PCDHGA6: variants seen among roughly 807,000 people sequenced by gnomAD.
The protein encoded by PCDHGA6 is protocadherin gamma subfamily A, 6.
In PCDHGA6, 41 loss-of-function variants were observed where a neutral mutation model predicts 60.6. The observed-to-expected ratio is 0.68, with a 90% CI of 0.53 to 0.88. The LOEUF is 0.88. PCDHGA6 is among the 40% of genes least tolerant of loss of function. The probability of loss-of-function intolerance (pLI) is 0.00; values close to 1 mark genes in which losing one functional copy is unlikely to be tolerated. For missense variants in PCDHGA6, 1,312 were observed against 1,203.0 expected, an observed-to-expected ratio of 1.09 and a Z score of -1.34; for synonymous variants, 594 against 524.4, an observed-to-expected ratio of 1.13 and a Z score of -1.81.
chr5:141,495,878 T>C (rs2099764378), intron 2 of PCDHGA6, among the ~76,000 whole-genome samples: 1 of 152,184 alleles, frequency 6.6e-6, no homozygotes, highest in African/African-American at 2.4e-5. Context: ...TTCCTCTCTG[T>C]TCTTTGTCTC....
chr5:141,511,411 A>T lies in PCDHGA6; in HGVS notation c.*238A>T. On this transcript the variant is annotated 3_prime_UTR_variant, in exon 4 of 4. Transcript: ENST00000517434. ...GAACCCCCATCCAATCAACTGCTGTACCCATGGGGGTAGTGGGGTTACTGT... is the reference window on the plus strand; with the variant it reads ...GAACCCCCATCCAATCAACTGCTGTTCCCATGGGGGTAGTGGGGTTACTGT... 1.1e-6 allele frequency: 1 copy of T among 901,334 alleles called. No individual in the cohort carries two copies. Among genetic ancestry groups the T allele is most frequent in the Non-Finnish European group, 1.6e-6 (1 of 617,750 alleles). 55.8% of individuals were successfully genotyped at this position (901,334 alleles called of 1,614,324 possible).
Position 141,489,087 on chromosome 5 carries a change from T to TCAAA in PCDHGA6, c.2425-5720_2425-5719insCAAA. 4.6e-6 allele frequency: 1 copy of TCAAA among 216,106 alleles called. No individual in the cohort carries two copies. The highest frequency in any genetic ancestry group is 8.4e-6 in the Non-Finnish European group (1 of 118,736). The allele number at this position is 216,106 out of a possible 1,614,324, so 13.4% of individuals were successfully genotyped here. On this transcript the variant is annotated intron_variant, in intron 1 of 3. Coordinates refer to ENST00000517434, the MANE Select transcript of PCDHGA6 (RefSeq NM_018919.3). This position sits in a 1 kb window ranked among gnomAD's most constrained non-coding sequence, Gnocchi z 4.5. The stretch of plus-strand genomic sequence containing the variant: ...CCCCCTGCCCACCCCCGCCACTCGG[T>TCAAA]GACTAAGAACTGCTGCAAGCAGGCA...
At chr5:141,389,572 C>T in intron 1 of PCDHGA6, 3 of 1,613,282 alleles carry the variant, frequency 1.9e-6, no homozygotes, top group Non-Finnish European at 2.5e-6. Flanking sequence ...GTGCTGTACC[C>T]CGCGCTGGGT....
In PCDHGA6 at chr5:141,486,981, A is replaced by G. The variant is rs1457098151; in HGVS notation, c.2425-7826A>G. Reference sequence around the variant, plus strand: ...GCTGTGGACTTGGATTCAGGTTACAATGCTTGGGTTTCCTATCAGCTCCTG... The same window carrying G: ...GCTGTGGACTTGGATTCAGGTTACAGTGCTTGGGTTTCCTATCAGCTCCTG... On this transcript the variant is annotated intron_variant, in intron 1 of 3. Coordinates refer to ENST00000517434, the MANE Select transcript of PCDHGA6 (RefSeq NM_018919.3). The surrounding 1 kb of genome is among the most constrained non-coding windows in gnomAD (Gnocchi z 5.0). 17 of 1,614,038 alleles carry G rather than the reference A, an allele frequency of 1.1e-5. No individual in the cohort carries two copies. The highest frequency in any genetic ancestry group is 4.0e-5 in the African/African-American group (3 of 74,922).
At position 141,476,051 on chromosome 5, in the gene PCDHGA6, GA is replaced by G; in HGVS notation, c.2425-18753del. On this transcript the variant is annotated intron_variant, in intron 1 of 3. Transcript: ENST00000517434. This position sits in a 1 kb window ranked among gnomAD's most constrained non-coding sequence, Gnocchi z 7.6. ...CCCAGCGCCCAAGCGCTAACCCGCT[GA>G]AAGTTTCTCAGCGAAATCTCAGGGA... 1.3e-6 allele frequency: 2 copies of G among 1,504,270 alleles called. No individual in the cohort carries two copies. The highest frequency in any genetic ancestry group is 1.8e-6 in the Non-Finnish European group (2 of 1,133,694). The allele number at this position is 1,504,270 out of a possible 1,614,324, so 93.2% of individuals were successfully genotyped here.
intron 1 of PCDHGA6, chr5:141,382,939 T>G: frequency 6.3e-7 from 1 of 1,594,910 alleles, no homozygotes; most frequent in Non-Finnish European, 8.6e-7. Context: ...CAGAGGATTC[T>G]TCCTGCTCTC....
At chr5:141,382,133 T>C (rs1420684997) in intron 1 of PCDHGA6, among the ~76,000 whole-genome samples, 3 of 152,068 alleles carry the variant, frequency 2.0e-5, no homozygotes, top group Admixed American at 6.6e-5. Context: ...TGGCCCCCCC[T>C]CTCATTTTTT....
At chr5:141,504,502 G>A (rs2099838821) in intron 2 of PCDHGA6, among the ~76,000 whole-genome samples, 1 of 152,128 alleles carries the variant, frequency 6.6e-6, no homozygotes, top group Non-Finnish European at 1.5e-5. Context: ...CCCAGTCTGA[G>A]TGGATCTCCT....
In PCDHGA6 at chr5:141,476,208, C is replaced by A. The variant is rs1266601125; in HGVS notation, c.2425-18599C>A. 1.2e-6 allele frequency: 2 copies of A among 1,613,912 alleles called. No homozygotes were observed. Among genetic ancestry groups the A allele is most frequent in the East Asian group, 4.5e-5 (2 of 44,826 alleles). On this transcript the variant is annotated intron_variant, in intron 1 of 3. Coordinates refer to ENST00000517434, the MANE Select transcript of PCDHGA6 (RefSeq NM_018919.3). The surrounding 1 kb of genome is among the most constrained non-coding windows in gnomAD (Gnocchi z 7.6). ...CTTGGTGCCTTGAACAAGGCTTCCA[C>A]GGTCATTCACTATGAGATCCCGGAG...
At position 141,376,371 on chromosome 5, in the gene PCDHGA6, C is replaced by T; in HGVS notation, c.2288C>T (p.Ser763Leu). The T allele has an allele frequency of 1.2e-6, 2 of 1,614,196 alleles. No homozygotes were observed. Among genetic ancestry groups the T allele is most frequent in the African/African-American group, 1.3e-5 (1 of 75,048 alleles). ...CACGAGGTCTCACTCACTGCAGACTCGCGTAAGAGTCATCTGATTTTCCCC... is the reference window on the plus strand; with the variant it reads ...CACGAGGTCTCACTCACTGCAGACTTGCGTAAGAGTCATCTGATTTTCCCC... Reference protein sequence around the residue: ...YSHEVSLTADSRKSHLIFPQP... With the variant: ...YSHEVSLTADLRKSHLIFPQP... The change falls in exon 1 of 4, where the codon TCG becomes TTG. Residue 763 changes from serine to leucine, a missense_variant. Ser to Leu is a moderately radical substitution (Grantham distance 145). Transcript: ENST00000517434.
At chr5:141,383,367 G>C in intron 1 of PCDHGA6, 2 of 1,614,030 alleles carry the variant, frequency 1.2e-6, no homozygotes, top group Non-Finnish European at 1.7e-6. Context: ...CGTTAAGCGA[G>C]GCTGGGGATC....
intron 1 of PCDHGA6, chr5:141,421,732 C>T: frequency 6.2e-7 from 1 of 1,613,934 alleles, no homozygotes; most frequent in Non-Finnish European, 8.5e-7. Flanking sequence ...GAACTCCCTC[C>T]AGAGCTACCA....
At chr5:141,410,281 G>A (rs368378842) in intron 1 of PCDHGA6, 33 of 1,613,938 alleles carry the variant, frequency 2.0e-5, no homozygotes, top group Non-Finnish European at 2.0e-5. Context: ...TTTACCTGGT[G>A]GTGGCCTTGG....
chr5:141,394,263 A>T, intron 1 of PCDHGA6: 1 of 1,613,884 alleles, frequency 6.2e-7, no homozygotes, highest in Non-Finnish European at 8.5e-7. Flanking sequence ...CAGCCAGGAG[A>T]ATGCCCAGGT....
intron 1 of PCDHGA6, chr5:141,424,789 A>T (rs538504226): frequency 2.0e-5 from 3 of 152,238 alleles, no homozygotes; most frequent in African/African-American, 7.2e-5. Flanking sequence ...CAGTTCTTTT[A>T]TTCAGACCAA....
chr5:141,481,503 G>A (rs1006282101), intron 1 of PCDHGA6, among the ~76,000 whole-genome samples: 3 of 152,236 alleles, frequency 2.0e-5, no homozygotes, highest in African/African-American at 7.2e-5. Context: ...TGCATGGTAT[G>A]TGAATTATGT....
chr5:141,491,178 C>T lies in PCDHGA6; in HGVS notation c.2425-3629C>T, dbSNP rs774139827. 6.2e-7 allele frequency: 1 copy of T among 1,614,146 alleles called. No individual in the cohort carries two copies. The highest frequency in any genetic ancestry group is 8.5e-7 in the Non-Finnish European group (1 of 1,179,992). On this transcript the variant is annotated intron_variant, in intron 1 of 3. Coordinates refer to ENST00000517434, the MANE Select transcript of PCDHGA6 (RefSeq NM_018919.3). The surrounding 1 kb of genome is among the most constrained non-coding windows in gnomAD (Gnocchi z 6.9). ...ACTCTGACACCCAGCAGGTGGTGGT[C>T]CTGGTGAGGGACAATGGTGACCCTT...
chr5:141,393,789 G>C lies in PCDHGA6; in HGVS notation c.2424+17282G>C, dbSNP rs889575374. On this transcript the variant is annotated intron_variant, in intron 1 of 3. Transcript: ENST00000517434. ...GGAAATACAAGCCGAAGATGTGGGGGCACTTCTGGGGAGGACCAAATTGCT... is the reference window on the plus strand; with the variant it reads ...GGAAATACAAGCCGAAGATGTGGGGCCACTTCTGGGGAGGACCAAATTGCT... The C allele has an allele frequency of 1.9e-6, 3 of 1,613,840 alleles. No homozygotes were observed. The African/African-American group carries it at 4.0e-5, about 22-fold the overall frequency.
Position 141,476,239 on chromosome 5 carries a change from A to T in PCDHGA6, c.2425-18568A>T. ...TTCACTATGAGATCCCGGAGGAAAG[A>T]GAGAAGGGTTTCGCTGTGGGCAACG... is the stretch of plus-strand genomic sequence containing the variant. On this transcript the variant is annotated intron_variant, in intron 1 of 3. Coordinates refer to ENST00000517434, the MANE Select transcript of PCDHGA6 (RefSeq NM_018919.3). This position sits in a 1 kb window ranked among gnomAD's most constrained non-coding sequence, Gnocchi z 7.6. 1 of 1,613,826 alleles carries T rather than the reference A, an allele frequency of 6.2e-7. No homozygotes were observed. Among genetic ancestry groups the T allele is most frequent in the Non-Finnish European group, 8.5e-7 (1 of 1,179,996 alleles).
Sources: gnomAD v4.1 joint callset for allele counts (sites outside exome capture counted in the v4.1 genomes callset) on GRCh38, gnomAD v4.1.1 for gene constraint, Gnocchi (gnomAD v3.1) non-coding constraint, MANE v1.5 for transcripts, NCBI Gene and HGNC (gene_info 2026-07-23, HGNC 2026-07-21) for gene names.